SGCZ: variants seen among roughly 807,000 people sequenced by gnomAD.
SGCZ encodes sarcoglycan zeta.
In SGCZ, 40 loss-of-function variants were observed where a neutral mutation model predicts 41.3. The ratio of observed to expected loss-of-function variants is 0.97; its 90% CI spans 0.75 to 1.26. The LOEUF (loss-of-function observed/expected upper bound fraction) is 1.26. SGCZ is among the 50% of genes most tolerant of loss of function. SGCZ has a pLI of 0.00. For synonymous variants in SGCZ, 206 were observed against 137.5 expected (o/e 1.50, Z -3.49); for missense variants, 552 against 369.8 (o/e 1.49, Z -4.04).
At chr8:14,512,594 G>A (rs1802498934) in intron 2 of SGCZ, among the ~76,000 whole-genome samples, 1 of 151,166 alleles carries the variant, frequency 6.6e-6, no homozygotes, top group African/African-American at 2.4e-5. Context: ...AGAGTAACTA[G>A]GGCTACAGGT....
intron 4 of SGCZ, among the ~76,000 whole-genome samples, chr8:14,235,533 C>G (rs979124008): frequency 2.6e-5 from 4 of 152,138 alleles, no homozygotes; most frequent in Non-Finnish European, 5.9e-5. Context: ...AAAATACTAG[C>G]ACACTAAATT....
intron 4 of SGCZ, among the ~76,000 whole-genome samples, chr8:14,237,188 CA>C: frequency 6.6e-6 from 1 of 152,042 alleles, no homozygotes; most frequent in South Asian, 2.1e-4. Context: ...TTTCATAATT[CA>C]AGAGTAATGA....
At chr8:14,314,203 C>A (rs950869043) in intron 3 of SGCZ, among the ~76,000 whole-genome samples, 4 of 152,096 alleles carry the variant, frequency 2.6e-5, no homozygotes, top group African/African-American at 9.7e-5. Context: ...TGTCGCACCT[C>A]TGCAACCAAG....
intron 1 of SGCZ, among the ~76,000 whole-genome samples, chr8:14,693,448 C>A (rs1047304365): frequency 6.6e-6 from 1 of 152,020 alleles, no homozygotes; most frequent in African/African-American, 2.4e-5. Context: ...TGCACTACCA[C>A]ATCCAGATAA....
At chr8:14,544,671 G>A (rs1803570922) in intron 2 of SGCZ, among the ~76,000 whole-genome samples, 1 of 152,034 alleles carries the variant, frequency 6.6e-6, no homozygotes. Context: ...TTACTAGGGT[G>A]GGGAAAACTC....
chr8:14,188,386 T>C (rs979143211), intron 4 of SGCZ, among the ~76,000 whole-genome samples: 2 of 152,198 alleles, frequency 1.3e-5, no homozygotes, highest in African/African-American at 2.4e-5. Flanking sequence ...GGAGCAGTGA[T>C]ACGTACTGCA....
At chr8:14,332,569 T>C (rs1802372415) in intron 2 of SGCZ, 1 of 152,070 alleles carries the variant, frequency 6.6e-6, no homozygotes, top group Non-Finnish European at 1.5e-5. Flanking sequence ...GGTCTGAAGG[T>C]AGTGAGTTAT....
intron 2 of SGCZ, among the ~76,000 whole-genome samples, chr8:14,522,838 T>C (rs1585628500): frequency 2.6e-5 from 4 of 151,982 alleles, no homozygotes; most frequent in South Asian, 2.1e-4. Flanking sequence ...GGATCTTTTT[T>C]CTAACCTAGT....
chr8:14,811,710 T>C (rs1048412524), intron 1 of SGCZ, among the ~76,000 whole-genome samples: 7 of 151,662 alleles, frequency 4.6e-5, no homozygotes, highest in African/African-American at 1.7e-4. Flanking sequence ...TTCTGACTAT[T>C]AGACGCACTG....
At chr8:14,405,224 T>A (rs1245396130) in intron 2 of SGCZ, among the ~76,000 whole-genome samples, 4 of 152,342 alleles carry the variant, frequency 2.6e-5, no homozygotes, top group Admixed American at 1.3e-4. Context: ...ATATATGACA[T>A]AGATTCATTT....
intron 1 of SGCZ, among the ~76,000 whole-genome samples, chr8:14,661,496 T>C (rs192116305): frequency 6.6e-6 from 1 of 152,310 alleles, no homozygotes; most frequent in African/African-American, 2.4e-5. Context: ...AAATCCTCTT[T>C]TCAAATACAG....
chr8:14,433,154 T>C (rs1799994252), intron 2 of SGCZ, among the ~76,000 whole-genome samples: 1 of 152,148 alleles, frequency 6.6e-6, no homozygotes, highest in African/African-American at 2.4e-5. Flanking sequence ...TTACAATTAG[T>C]ATGCAACAAA....
intron 1 of SGCZ, among the ~76,000 whole-genome samples, chr8:15,022,870 G>A (rs1380684290): frequency 6.6e-6 from 1 of 152,186 alleles, no homozygotes; most frequent in East Asian, 1.9e-4. Flanking sequence ...CATAGATAAA[G>A]ACGTTAAGGT....
At chr8:14,473,289 AT>A (rs1333336359) in intron 2 of SGCZ, among the ~76,000 whole-genome samples, 1 of 152,136 alleles carries the variant, frequency 6.6e-6, no homozygotes, top group African/African-American at 2.4e-5. Context: ...TTCACATTTC[AT>A]TTTTATGTAT....
At chr8:14,445,763 C>G (rs1800414186) in intron 2 of SGCZ, among the ~76,000 whole-genome samples, 1 of 152,182 alleles carries the variant, frequency 6.6e-6, no homozygotes, top group South Asian at 2.1e-4. Context: ...AAGGGGTCAA[C>G]TGAGCTGTTA....
chr8:14,529,966 A>T (rs1803075765), intron 2 of SGCZ, among the ~76,000 whole-genome samples: 1 of 152,142 alleles, frequency 6.6e-6, no homozygotes, highest in Non-Finnish European at 1.5e-5. Context: ...TTTATACATT[A>T]AGAATGCACA....
intron 3 of SGCZ, among the ~76,000 whole-genome samples, chr8:14,239,444 C>G (rs1806892830): frequency 6.6e-6 from 1 of 152,054 alleles, no homozygotes; most frequent in African/African-American, 2.4e-5. Context: ...ATTATGTTCA[C>G]TTTCTCTCAA....
rs188678990 is a variant in SGCZ at position 14,373,651 on chromosome 8, G to A, written c.235-49447C>T. On this transcript the variant is annotated intron_variant, in intron 2 of 7. Transcript: ENST00000382080. ...AATGAAGAACTGAGGACTATATCTGGTGAATTTGCAGTCACTAAATGATTT... is the reference window on the plus strand; with the variant it reads ...AATGAAGAACTGAGGACTATATCTGATGAATTTGCAGTCACTAAATGATTT... Among the ~76,000 whole-genome samples, 97 of 152,274 alleles carry A rather than the reference G, an allele frequency of 6.4e-4. 2 individuals carry two copies. The highest frequency in any genetic ancestry group is 2.1e-3 in the African/African-American group (87 of 41,560).
At chr8:14,325,019 A>G (rs185727771) in intron 2 of SGCZ, among the ~76,000 whole-genome samples, 2 of 152,248 alleles carry the variant, frequency 1.3e-5, no homozygotes, top group African/African-American at 4.8e-5. Context: ...TTGGGAGAGA[A>G]AGCAATGGAG....
Sources: gnomAD v4.1 joint callset for allele counts (sites outside exome capture counted in the v4.1 genomes callset) on GRCh38, gnomAD v4.1.1 for gene constraint, MANE v1.5 for transcripts, NCBI Gene and HGNC (gene_info 2026-07-23, HGNC 2026-07-21) for gene names.